Variants in RICTOR observed in about 807,000 individuals in gnomAD.
RICTOR encodes the protein RPTOR independent companion of MTOR complex 2.
Under a neutral mutation model 214.9 loss-of-function variants are expected in RICTOR, and 49 were observed. The observed-to-expected ratio is 0.23, with a 90% CI of 0.18 to 0.29. The LOEUF is 0.29. RICTOR is among the 10% of genes least tolerant of loss of function. The pLI, the probability that RICTOR is intolerant of heterozygous loss-of-function variation, is 1.00. For synonymous variants in RICTOR, 717 were observed against 711.3 expected, an observed-to-expected ratio of 1.01 and a Z score of -0.13; for missense variants, 1,625 against 2,047.0, an observed-to-expected ratio of 0.79 and a Z score of 3.98.
Position 39,074,204 on chromosome 5 carries a change from C to G in RICTOR, c.50-46G>C, listed in dbSNP as rs760888450. 9 of 1,582,796 alleles carry G rather than the reference C, an allele frequency of 5.7e-6. No individual in the cohort carries two copies. The East Asian group carries it at 9.6e-5, about 17-fold the overall frequency. On this transcript the variant is annotated intron_variant, in intron 1 of 37. Coordinates refer to ENST00000357387, the MANE Select transcript of RICTOR (RefSeq NM_152756.5). ...GCCCCAATTAGGATTGGCTCGCAGGCCAGCTGCGGCTGCCCTGGCTCCGGC... is the reference window on the plus strand; with the variant it reads ...GCCCCAATTAGGATTGGCTCGCAGGGCAGCTGCGGCTGCCCTGGCTCCGGC...
intron 2 of RICTOR, among the ~76,000 whole-genome samples, chr5:39,036,245 A>C (rs1217608440): frequency 6.6e-6 from 1 of 152,164 alleles, no homozygotes; most frequent in African/African-American, 2.4e-5. Flanking sequence ...GAAATAAAAT[A>C]CTTTACAGAC....
chr5:39,039,893 G>C (rs575625019), intron 2 of RICTOR, among the ~76,000 whole-genome samples: 53 of 152,006 alleles, frequency 3.5e-4, no homozygotes, highest in Middle Eastern at 6.8e-3. Flanking sequence ...TTCAACCATT[G>C]TGGAAGTCAG....
At chr5:39,065,609 A>G (rs926455252) in intron 2 of RICTOR, among the ~76,000 whole-genome samples, 3 of 152,252 alleles carry the variant, frequency 2.0e-5, no homozygotes, top group African/African-American at 4.8e-5. Context: ...ATGAGGCTGT[A>G]AAGTCACAAA....
At chr5:39,009,091 T>C (rs1561527378) in intron 3 of RICTOR, among the ~76,000 whole-genome samples, 3 of 152,110 alleles carry the variant, frequency 2.0e-5, no homozygotes, top group Admixed American at 1.3e-4. Flanking sequence ...ATAATGAATG[T>C]TAATAAAATG....
intron 2 of RICTOR, among the ~76,000 whole-genome samples, chr5:39,039,701 A>C (rs2150167137): frequency 6.6e-6 from 1 of 152,334 alleles, no homozygotes; most frequent in Middle Eastern, 3.4e-3. Context: ...ATGCAGCCAA[A>C]AAACACATGA....
intron 7 of RICTOR, among the ~76,000 whole-genome samples, chr5:38,986,101 T>C (rs1752148331): frequency 6.6e-6 from 1 of 152,170 alleles, no homozygotes; most frequent in South Asian, 2.1e-4. Flanking sequence ...CATCTCAAAT[T>C]GGACCCACGT....
intron 8 of RICTOR, among the ~76,000 whole-genome samples, chr5:38,979,795 A>G (rs1220461526): frequency 1.3e-5 from 2 of 152,198 alleles, no homozygotes; most frequent in African/African-American, 4.8e-5. Context: ...GAGCTTTACA[A>G]CATGAAGCTT....
intron 1 of RICTOR, 38 bp downstream of exon 1, chr5:39,074,291 C>A (rs1251553050): frequency 6.4e-7 from 1 of 1,562,688 alleles, no homozygotes; most frequent in Non-Finnish European, 8.7e-7. Flanking sequence ...GGGTGGCGGG[C>A]GCCGGGCGGT....
chr5:38,981,857 A>C lies in RICTOR; in HGVS notation c.753+10T>G, dbSNP rs1487350123. 1.3e-6 allele frequency: 2 copies of C among 1,578,194 alleles called. No individual in the cohort carries two copies. The highest frequency in any genetic ancestry group is 3.4e-5 in the Admixed American group (2 of 59,398). Reference sequence around the variant, plus strand: ...ATTTTAAAACTAGAAAAGAATATTAAAGTTCCTACCTCTAATTCTACATCA... The same window carrying C: ...ATTTTAAAACTAGAAAAGAATATTACAGTTCCTACCTCTAATTCTACATCA... On this transcript the variant is annotated intron_variant, in intron 8 of 37. Transcript: ENST00000357387.
Position 38,940,915 on chromosome 5 carries a change from T to C in RICTOR, c.*1389A>G, listed in dbSNP as rs577263429. On this transcript the variant is annotated 3_prime_UTR_variant, in exon 38 of 38. Coordinates refer to ENST00000357387, the MANE Select transcript of RICTOR (RefSeq NM_152756.5). ...TGACTGTGTCAAAACTGATGTGTAA[T>C]TGTAATAAAAATGTTATACACAAAT... The C allele has an allele frequency of 4.6e-4, 108 of 232,530 alleles. No homozygotes were observed. The highest frequency in any genetic ancestry group is 7.5e-4 in the Non-Finnish European group (88 of 117,578). 14.4% of individuals were successfully genotyped at this position (232,530 alleles called of 1,614,324 possible). A position where few individuals can be genotyped will look rare whatever the true frequency, so the allele number is the denominator to read the frequency against.
intron 2 of RICTOR, among the ~76,000 whole-genome samples, chr5:39,047,486 C>T (rs563402933): frequency 3.9e-5 from 6 of 152,278 alleles, no homozygotes; most frequent in African/African-American, 1.2e-4. Flanking sequence ...GGACTGGTAC[C>T]GGTGCACAGC....
At chr5:39,017,823 A>G (rs1755081728) in intron 3 of RICTOR, among the ~76,000 whole-genome samples, 1 of 152,148 alleles carries the variant, frequency 6.6e-6, no homozygotes, top group East Asian at 1.9e-4. Context: ...GAAGGATTAA[A>G]ACAGTACTGC....
intron 2 of RICTOR, among the ~76,000 whole-genome samples, chr5:39,064,652 A>G (rs1758776699): frequency 1.3e-5 from 2 of 152,124 alleles, no homozygotes; most frequent in Admixed American, 1.3e-4. Context: ...TGGGAGCGGG[A>G]GGAGGCAGCA....
intron 2 of RICTOR, among the ~76,000 whole-genome samples, chr5:39,055,745 T>C (rs1186320532): frequency 6.6e-6 from 1 of 152,152 alleles, no homozygotes; most frequent in African/African-American, 2.4e-5. Context: ...GAAGATTGAC[T>C]TTTTGGGAAA....
chr5:38,983,760 G>A (rs1210485132), intron 7 of RICTOR, among the ~76,000 whole-genome samples: 2 of 151,994 alleles, frequency 1.3e-5, no homozygotes, highest in Non-Finnish European at 2.9e-5. Flanking sequence ...TCAAGAGATC[G>A]AGACATCCTG....
At chr5:38,975,730 CAAGACA>C in intron 9 of RICTOR, 126 bp from the exon 10 acceptor site, 1 of 557,850 alleles carries the variant, frequency 1.8e-6, no homozygotes, top group Non-Finnish European at 3.0e-6. Flanking sequence ...AAAATTAAAA[CAAGACA>C]AAGATCAGAT....
intron 2 of RICTOR, among the ~76,000 whole-genome samples, chr5:39,036,901 A>C (rs1756752405): frequency 6.6e-6 from 1 of 152,192 alleles, no homozygotes; most frequent in Non-Finnish European, 1.5e-5. Flanking sequence ...AACATTAGAC[A>C]GATCAACGAG....
At chr5:38,947,958 G>C (rs1246609319) in intron 31 of RICTOR, among the ~76,000 whole-genome samples, 1 of 152,034 alleles carries the variant, frequency 6.6e-6, no homozygotes, top group Non-Finnish European at 1.5e-5. Context: ...ACAGACACAA[G>C]AGCAAAATGG....
intron 2 of RICTOR, among the ~76,000 whole-genome samples, chr5:39,034,758 A>G (rs890914143): frequency 1.3e-5 from 2 of 152,196 alleles, no homozygotes; most frequent in Non-Finnish European, 2.9e-5. Flanking sequence ...GGCAGCAGCG[A>G]GGCTGGGGGA....
Sources: gnomAD v4.1 joint callset for allele counts (sites outside exome capture counted in the v4.1 genomes callset) on GRCh38, gnomAD v4.1.1 for gene constraint, MANE v1.5 for transcripts, NCBI Gene and HGNC (gene_info 2026-07-23, HGNC 2026-07-21) for gene names.